PRKCB: variants seen among roughly 807,000 people sequenced by gnomAD.
PRKCB encodes protein kinase C beta.
Under a neutral mutation model 81.5 loss-of-function variants are expected in PRKCB, and 13 were observed. The ratio of observed to expected loss-of-function variants is 0.16; its 90% CI spans 0.10 to 0.25. PRKCB has a LOEUF of 0.25. Ranked by LOEUF, PRKCB falls within the 10% of genes least tolerant of loss-of-function variation. The pLI is 1.00. For synonymous variants in PRKCB, 335 were observed against 321.4 expected, an observed-to-expected ratio of 1.04 and a Z score of -0.45; for missense variants, 509 against 875.7, an observed-to-expected ratio of 0.58 and a Z score of 5.29.
At chr16:23,897,409 A>C (rs1455841064) in intron 2 of PRKCB, among the ~76,000 whole-genome samples, 1 of 152,190 alleles carries the variant, frequency 6.6e-6, no homozygotes. Flanking sequence ...GTGTGAAAAA[A>C]TTATTTTTTT....
intron 2 of PRKCB, among the ~76,000 whole-genome samples, chr16:23,957,499 C>T (rs1331749044): frequency 6.6e-6 from 1 of 152,170 alleles, no homozygotes; most frequent in Non-Finnish European, 1.5e-5. Context: ...TGAAAACATG[C>T]CATCAAAACA....
At chr16:24,207,191 T>C (rs1204698258) in intron 16 of PRKCB, among the ~76,000 whole-genome samples, 1 of 152,324 alleles carries the variant, frequency 6.6e-6, no homozygotes, top group East Asian at 1.9e-4. Context: ...CCTTAGAGTG[T>C]TTTACTAAGA....
chr16:23,940,683 G>T (rs1964130634), intron 2 of PRKCB, among the ~76,000 whole-genome samples: 1 of 151,798 alleles, frequency 6.6e-6, no homozygotes, highest in Admixed American at 6.6e-5. Flanking sequence ...AATATATATA[G>T]CAAATATATA....
intron 2 of PRKCB, among the ~76,000 whole-genome samples, chr16:23,890,740 G>A (rs1333563780): frequency 6.6e-6 from 1 of 152,124 alleles, no homozygotes; most frequent in Non-Finnish European, 1.5e-5. Flanking sequence ...GCCTGAAGAG[G>A]AAAGAGCCTG....
At chr16:24,074,024 G>T (rs1966147728) in intron 5 of PRKCB, among the ~76,000 whole-genome samples, 1 of 151,980 alleles carries the variant, frequency 6.6e-6, no homozygotes, top group African/African-American at 2.4e-5. Context: ...AGTACCAGCT[G>T]CTGGGGAGGC....
In PRKCB at chr16:24,215,818, T is replaced by C. The variant is rs2141996539; in HGVS notation, c.*1002T>C. 1.0e-6 allele frequency: 1 copy of C among 985,656 alleles called. No individual in the cohort carries two copies. The highest frequency in any genetic ancestry group is 6.1e-5 in the Admixed American group (1 of 16,268). 61.1% of individuals were successfully genotyped at this position (985,656 alleles called of 1,614,324 possible). The stretch of plus-strand genomic sequence containing the variant: ...GGGATTTGTTACAAATCTAGGTTTG[T>C]TACTGGCTTCAGAAAGCTAATTAAG... On this transcript the variant is annotated 3_prime_UTR_variant, in exon 17 of 17. Transcript: ENST00000643927.
chr16:24,168,874 T>A (rs548667590), intron 10 of PRKCB, among the ~76,000 whole-genome samples: 1 of 150,830 alleles, frequency 6.6e-6, no homozygotes, highest in Non-Finnish European at 1.5e-5. Context: ...TTTTCTATTA[T>A]TTTTTTTTAA....
intron 3 of PRKCB, among the ~76,000 whole-genome samples, chr16:24,000,326 C>T (rs548534529): frequency 6.6e-6 from 1 of 152,292 alleles, no homozygotes; most frequent in Admixed American, 6.5e-5. Context: ...TTATTCCCTG[C>T]CTCAATCGCC....
intron 3 of PRKCB, among the ~76,000 whole-genome samples, chr16:24,002,413 C>T (rs1401666353): frequency 6.6e-6 from 1 of 151,018 alleles, no homozygotes. Context: ...GGTGTGATCT[C>T]GGCTCACCGC....
At chr16:23,925,534 T>C (rs1468094169) in intron 2 of PRKCB, among the ~76,000 whole-genome samples, 3 of 152,118 alleles carry the variant, frequency 2.0e-5, no homozygotes, top group Admixed American at 6.5e-5. Context: ...ATTCTTGACA[T>C]TGTCTTGTCA....
chr16:23,848,740 GT>G (rs1475705304), intron 2 of PRKCB, among the ~76,000 whole-genome samples: 2 of 152,190 alleles, frequency 1.3e-5, no homozygotes, highest in Non-Finnish European at 2.9e-5. Flanking sequence ...CCTTAAGCAA[GT>G]TACTTAACCT....
chr16:24,049,917 A>G (rs1393810717), intron 5 of PRKCB, among the ~76,000 whole-genome samples: 1 of 152,120 alleles, frequency 6.6e-6, no homozygotes, highest in Non-Finnish European at 1.5e-5. Context: ...TACACGTTAG[A>G]CCTTATACAA....
At chr16:24,209,164 C>T (rs1215621605) in intron 16 of PRKCB, among the ~76,000 whole-genome samples, 1 of 152,166 alleles carries the variant, frequency 6.6e-6, no homozygotes, top group Admixed American at 6.5e-5. Flanking sequence ...CTCTGTGTCT[C>T]AGCAAATGTG....
At chr16:24,170,049 T>TGGGATTACA (rs1219249586) in intron 10 of PRKCB, among the ~76,000 whole-genome samples, 1 of 152,244 alleles carries the variant, frequency 6.6e-6, no homozygotes, top group African/African-American at 2.4e-5. Context: ...CCCAAAGTGC[T>TGGGATTACA]GGGATTACAG....
In PRKCB at chr16:24,104,746, C is replaced by T. The variant is rs754372559; in HGVS notation, c.822-8227C>T. On this transcript the variant is annotated intron_variant, in intron 7 of 16. Coordinates refer to ENST00000643927, the MANE Select transcript of PRKCB (RefSeq NM_002738.7). ...AAAGGCCCTGGGGCAGGAGTGCACCCGGCAAGTTGGAAGAGCAGTAAGGAG... is the reference window on the plus strand; with the variant it reads ...AAAGGCCCTGGGGCAGGAGTGCACCTGGCAAGTTGGAAGAGCAGTAAGGAG... Among the ~76,000 whole-genome samples the T allele has an allele frequency of 7.2e-5, 11 of 152,038 alleles. 1 individual carries two copies. Among genetic ancestry groups the T allele is most frequent in the Admixed American group, 3.9e-4 (6 of 15,262 alleles).
intron 7 of PRKCB, among the ~76,000 whole-genome samples, chr16:24,109,496 A>G (rs1470271801): frequency 5.9e-4 from 67 of 112,810 alleles, no homozygotes; most frequent in East Asian, 5.1e-4. Context: ...CGCTCCCCAC[A>G]TCTCAGACGA....
intron 5 of PRKCB, among the ~76,000 whole-genome samples, chr16:24,037,606 TTTA>T: frequency 6.6e-6 from 1 of 152,244 alleles, no homozygotes; most frequent in Middle Eastern, 3.4e-3. Flanking sequence ...CTCCACCGTA[TTTA>T]TTCCTTTTGT....
At chr16:24,184,288 C>T (rs1967669556) in intron 13 of PRKCB, among the ~76,000 whole-genome samples, 1 of 151,718 alleles carries the variant, frequency 6.6e-6, no homozygotes, top group African/African-American at 2.4e-5. Context: ...AGACCCCATC[C>T]CTACAAAAAA....
chr16:24,027,847 G>A (rs1352449103), intron 3 of PRKCB, among the ~76,000 whole-genome samples: 1 of 152,160 alleles, frequency 6.6e-6, no homozygotes, highest in African/African-American at 2.4e-5. Context: ...ATAGCTCACT[G>A]CAGCCTTGAA....
Sources: gnomAD v4.1 joint callset for allele counts (sites outside exome capture counted in the v4.1 genomes callset) on GRCh38, gnomAD v4.1.1 for gene constraint, MANE v1.5 for transcripts, NCBI Gene and HGNC (gene_info 2026-07-23, HGNC 2026-07-21) for gene names.